The following MED21 variants were observed in gnomAD, a reference collection of about 807,000 sequenced individuals.
MED21 encodes mediator of RNA polymerase II transcription subunit 21.
In MED21, 9 loss-of-function variants were observed where a neutral mutation model predicts 18.2. That is an observed-to-expected ratio of 0.49 (90% CI 0.30 to 0.86). The LOEUF is 0.86. MED21 is among the 40% of genes least tolerant of loss of function. The pLI is 0.07. For synonymous variants in MED21, 73 were observed against 60.5 expected, an observed-to-expected ratio of 1.21 and a Z score of -0.96; for missense variants, 150 against 170.9, an observed-to-expected ratio of 0.88 and a Z score of 0.68.
At chr12:27,028,263 T>C in intron 3 of MED21, 22 bp from the exon 4 acceptor site, 1 of 1,573,006 alleles carries the variant, frequency 6.4e-7, no homozygotes, top group Non-Finnish European at 8.6e-7. Flanking sequence ...TCTAAAGATT[T>C]TAAAATTTGT....
chr12:27,028,172 T>C (rs912390999), intron 3 of MED21, 113 bp from the exon 4 acceptor site: 6 of 1,297,594 alleles, frequency 4.6e-6, no homozygotes, highest in Non-Finnish European at 6.1e-6. Context: ...AGAATTTCTT[T>C]ACTGAAAAAC....
At chr12:27,032,129 T>C (rs751748569), downstream of MED21, among the ~76,000 whole-genome samples, 5 of 152,156 alleles carry the variant, frequency 3.3e-5, no homozygotes, top group Non-Finnish European at 7.3e-5. Context: ...AGCCATATTC[T>C]CTCTATTCTT....
At chr12:27,025,519 A>G (rs1941532316) in intron 1 of MED21, among the ~76,000 whole-genome samples, 1 of 152,190 alleles carries the variant, frequency 6.6e-6, no homozygotes, top group Non-Finnish European at 1.5e-5. Flanking sequence ...TTCTGGTGTG[A>G]GATAATTGGT....
At position 27,030,307 on chromosome 12, in the gene MED21, C is replaced by A; in HGVS notation, c.*1846C>A. 1 of 402,432 alleles carries A rather than the reference C, an allele frequency of 2.5e-6. No individual in the cohort carries two copies. Among genetic ancestry groups the A allele is most frequent in the South Asian group, 4.6e-5 (1 of 21,790 alleles). The allele number at this position is 402,432 out of a possible 1,614,324, so 24.9% of individuals were successfully genotyped here. ...ACCACGTCCAGCTAATTTTTTTTTT[C>A]TTTTTTTTTTAGAGATGGGGTCTCA... is the stretch of plus-strand genomic sequence containing the variant. On this transcript the variant is annotated 3_prime_UTR_variant, in exon 4 of 4. Coordinates refer to ENST00000282892, the MANE Select transcript of MED21 (RefSeq NM_004264.5).
chr12:27,032,247 C>G (rs528428233), downstream of MED21, among the ~76,000 whole-genome samples: 1 of 152,106 alleles, frequency 6.6e-6, no homozygotes, highest in African/African-American at 2.4e-5. Flanking sequence ...AAGTTACTAT[C>G]GTAACTGGTC....
downstream of MED21, among the ~76,000 whole-genome samples, chr12:27,035,016 T>C (rs1941640657): frequency 6.6e-6 from 1 of 152,204 alleles, no homozygotes; most frequent in Non-Finnish European, 1.5e-5. Flanking sequence ...CCTCCCTAAG[T>C]GCTGGGATTA....
At chr12:27,030,926 T>C (rs1941612577), downstream of MED21, among the ~76,000 whole-genome samples, 3 of 152,206 alleles carry the variant, frequency 2.0e-5, no homozygotes, top group South Asian at 6.2e-4. Flanking sequence ...ATTTCTTTTT[T>C]TGAGATGGAG....
chr12:27,027,649 G>T (rs1043611524), intron 3 of MED21, among the ~76,000 whole-genome samples: 7 of 152,214 alleles, frequency 4.6e-5, no homozygotes, highest in Non-Finnish European at 1.0e-4. Context: ...TACTCACTGT[G>T]CATGAGTAAT....
At position 27,029,504 on chromosome 12, in the gene MED21, A is replaced by T. The variant is rs1346533397; in HGVS notation, c.*1043A>T. The T allele has an allele frequency of 1.0e-6, 1 of 985,316 alleles. No individual in the cohort carries two copies. Among genetic ancestry groups the T allele is most frequent in the Non-Finnish European group, 1.2e-6 (1 of 829,934 alleles). 61.0% of individuals were successfully genotyped at this position (985,316 alleles called of 1,614,324 possible). On this transcript the variant is annotated 3_prime_UTR_variant, in exon 4 of 4. Transcript: ENST00000282892. ...TATTTTTCAGAATATGCTGAGCTACATTTGCTGCAATCTGTTGCTATTCAG... is the reference window on the plus strand; with the variant it reads ...TATTTTTCAGAATATGCTGAGCTACTTTTGCTGCAATCTGTTGCTATTCAG...
chr12:27,033,206 A>T (rs956724906), downstream of MED21, among the ~76,000 whole-genome samples: 4 of 152,178 alleles, frequency 2.6e-5, no homozygotes, highest in African/African-American at 9.7e-5. Context: ...CTGATAGCTT[A>T]TAGACAATAT....
intron 1 of MED21, 131 bp downstream of exon 1, chr12:27,022,752 C>T (rs1375604050): frequency 2.6e-6 from 4 of 1,558,778 alleles, no homozygotes; most frequent in Admixed American, 3.7e-5. Flanking sequence ...ATAAAGCGCT[C>T]TCTCGGGAGG....
chr12:27,036,876 G>C (rs1032234681), intron 2 of MED21, among the ~76,000 whole-genome samples: 4 of 152,188 alleles, frequency 2.6e-5, no homozygotes, highest in African/African-American at 9.7e-5. Flanking sequence ...GTAGTGTGAT[G>C]CCTCCAGCTT....
intron 1 of MED21, among the ~76,000 whole-genome samples, chr12:27,023,231 G>A (rs1245767170): frequency 2.0e-5 from 3 of 151,152 alleles, no homozygotes; most frequent in African/African-American, 7.3e-5. Context: ...TCAGTTTGGG[G>A]ACATCTTTAT....
At chr12:27,027,044 T>A (rs1388786736) in intron 2 of MED21, among the ~76,000 whole-genome samples, 2 of 152,178 alleles carry the variant, frequency 1.3e-5, no homozygotes, top group African/African-American at 2.4e-5. Flanking sequence ...TTCTCCTGCC[T>A]CAGCCTCCTG....
At chr12:27,026,757 T>C (rs1201342892) in intron 2 of MED21, among the ~76,000 whole-genome samples, 2 of 152,208 alleles carry the variant, frequency 1.3e-5, no homozygotes, top group East Asian at 3.8e-4. Context: ...TAGAGGAGAA[T>C]TTGTATTAAT....
chr12:27,034,781 G>A (rs574764817), downstream of MED21, among the ~76,000 whole-genome samples: 3 of 152,058 alleles, frequency 2.0e-5, no homozygotes, highest in Non-Finnish European at 2.9e-5. Flanking sequence ...ACGGAGTTTC[G>A]CGCTTGTCGC....
intron 1 of MED21, among the ~76,000 whole-genome samples, chr12:27,023,524 C>T (rs1411869960): frequency 6.6e-6 from 1 of 151,774 alleles, no homozygotes; most frequent in African/African-American, 2.4e-5. Flanking sequence ...CTCAAACTCC[C>T]GGCCTCAAGC....
In MED21 at chr12:27,022,621, G is replaced by A. The variant is rs139996475; in HGVS notation, c.42G>A (p.Ser14=). Reference sequence around the variant, plus strand: ...CGCAGCTTCAGGACGCTGTGAATTCGGTGAGGAATTTCATTCGATTAGCCT... The same window carrying A: ...CGCAGCTTCAGGACGCTGTGAATTCAGTGAGGAATTTCATTCGATTAGCCT... ...RLTQLQDAVN[S]LADQFCNAIG... Residue 14 remains serine (S), a splice_region_variant and synonymous_variant, in exon 1 of 4, where the codon TCG becomes TCA. Transcript: ENST00000282892. The A allele has an allele frequency of 5.5e-5, 87 of 1,593,348 alleles. 1 individual carries two copies. In the African/African-American group the frequency reaches 1.1e-3, roughly 20 times the overall value.
chr12:27,030,179 C>A lies in MED21; in HGVS notation c.*1718C>A. On this transcript the variant is annotated 3_prime_UTR_variant, in exon 4 of 4. Transcript: ENST00000282892. Reference sequence around the variant, plus strand: ...TAAGGTGAAGTCTCTGTCACCCAAGCTGAAGTGCAGTTCTGTGATCATGGC... The same window carrying A: ...TAAGGTGAAGTCTCTGTCACCCAAGATGAAGTGCAGTTCTGTGATCATGGC... 1 of 647,628 alleles carries A rather than the reference C, an allele frequency of 1.5e-6. No homozygotes were observed. 40.1% of individuals were successfully genotyped at this position (647,628 alleles called of 1,614,324 possible). A position where few individuals can be genotyped will look rare whatever the true frequency, so the allele number is the denominator to read the frequency against.
Sources: allele counts gnomAD v4.1 joint callset (sites outside exome capture counted in the v4.1 genomes callset), GRCh38; gene constraint gnomAD v4.1.1; transcripts MANE v1.5; gene names NCBI Gene and HGNC (gene_info 2026-07-23, HGNC 2026-07-21).